The following VEGFD variants were observed in gnomAD, a reference collection of about 807,000 sequenced individuals.
VEGFD encodes the protein vascular endothelial growth factor D.
Under a neutral mutation model 28.0 loss-of-function variants are expected in VEGFD, and 26 were observed. That is an observed-to-expected ratio of 0.93 (90% confidence interval 0.68 to 1.29). VEGFD has a LOEUF of 1.29. Among genes scored for constraint, VEGFD ranks in the 50% most tolerant of loss-of-function variants. The pLI, the probability that VEGFD is intolerant of heterozygous loss-of-function variation, is 0.00. For missense variants in VEGFD, 294 were observed against 273.4 expected (o/e 1.08, Z -0.53); for synonymous variants, 93 against 95.5 (o/e 0.97, Z 0.15).
At chrX:15,346,934 A>T (rs764700779) in intron 6 of VEGFD, among the ~76,000 whole-genome samples, 4 of 108,802 alleles carry the variant, frequency 3.7e-5, no homozygotes, top group Non-Finnish European at 1.9e-5. Flanking sequence ...CGTCTAAAAA[A>T]AAAAAGCTCT....
chrX:15,372,609 A>G (rs1160434364), intron 1 of VEGFD, among the ~76,000 whole-genome samples: 3 of 110,958 alleles, frequency 2.7e-5, no homozygotes, highest in African/African-American at 9.8e-5. Flanking sequence ...AAAACTTCCC[A>G]GGTGTTAGCC....
intron 6 of VEGFD, among the ~76,000 whole-genome samples, chrX:15,346,740 T>C (rs956077366): frequency 6.3e-5 from 7 of 111,526 alleles, no homozygotes; most frequent in African/African-American, 2.0e-4. Flanking sequence ...AAGACTATCC[T>C]GGCCAACATG....
intron 4 of VEGFD, 33 bp downstream of exon 4, chrX:15,355,117 A>G: frequency 8.8e-7 from 1 of 1,133,875 alleles, no homozygotes; most frequent in Admixed American, 2.9e-5. Flanking sequence ...AATAAGCATA[A>G]TCCAGTATAA....
intron 1 of VEGFD, among the ~76,000 whole-genome samples, chrX:15,380,962 T>G (rs1272387382): frequency 8.9e-6 from 1 of 112,473 alleles, no homozygotes; most frequent in Non-Finnish European, 1.9e-5. Context: ...TAGGCCGTAA[T>G]CTGATTATAT....
chrX:15,381,834 A>G (rs1267685906), intron 1 of VEGFD, among the ~76,000 whole-genome samples: 1 of 113,082 alleles, frequency 8.8e-6, no homozygotes, highest in African/African-American at 3.2e-5. Context: ...TAAGTTCAGT[A>G]TATGTAGCTT....
At position 15,364,773 on chromosome X, in the gene VEGFD, G is replaced by A. The variant is rs143460075; in HGVS notation, c.91-1454C>T. 6.9e-4 allele frequency among the ~76,000 whole-genome samples: 77 copies of A among 112,223 alleles called. 5 individuals carry two copies. The East Asian group carries it at 0.02, about 29-fold the overall frequency. On this transcript the variant is annotated intron_variant, in intron 1 of 6. Coordinates refer to ENST00000297904, the MANE Select transcript of VEGFD (RefSeq NM_004469.5). ...TGTCAGCTGCCTGCTGCAGGGCGAG[G>A]AACAGTGAAGGAAAACAAAGATGAG...
Position 15,355,191 on chromosome X carries a change from G to A in VEGFD, c.600C>T (p.Tyr200=). Residue 200 remains tyrosine (Y), a synonymous_variant, in exon 4 of 7, where the codon TAC becomes TAT. Transcript: ENST00000297904. The part of the protein sequence containing the change: ...KCLPTAPRHP[Y]SIIRRSIQIP... ...TCTGGATGGATCTTCTGATAATTGAGTATGGATGGCGGGGGGCTGTTGGCA... is the reference window on the plus strand; with the variant it reads ...TCTGGATGGATCTTCTGATAATTGAATATGGATGGCGGGGGGCTGTTGGCA... The A allele has an allele frequency of 8.3e-7, 1 of 1,204,762 alleles. No individual in the cohort carries two copies. Among genetic ancestry groups the A allele is most frequent in the East Asian group, 3.0e-5 (1 of 33,546 alleles).
At chrX:15,360,906 T>A (rs1314730869) in intron 2 of VEGFD, among the ~76,000 whole-genome samples, 2 of 112,252 alleles carry the variant, frequency 1.8e-5, no homozygotes, top group Non-Finnish European at 3.8e-5. Flanking sequence ...TTAATCAAAA[T>A]CATATGCAAT....
At chrX:15,382,171 T>G (rs1326595613) in intron 1 of VEGFD, among the ~76,000 whole-genome samples, 1 of 110,137 alleles carries the variant, frequency 9.1e-6, no homozygotes, top group Non-Finnish European at 1.9e-5. Context: ...ATACAAAAAA[T>G]TAGCCCGGCA....
intron 1 of VEGFD, among the ~76,000 whole-genome samples, chrX:15,377,205 T>C (rs1196162274): frequency 2.7e-5 from 3 of 112,274 alleles, no homozygotes; most frequent in Non-Finnish European, 1.9e-5. Context: ...GCCTGGCACA[T>C]GGTAGACATT....
At position 15,350,798 on chromosome X, in the gene VEGFD, T is replaced by G. The variant is rs775870523; in HGVS notation, c.742+2270A>C. 1.7e-3 allele frequency among the ~76,000 whole-genome samples: 179 copies of G among 102,585 alleles called. 1 individual carries two copies. The highest frequency in any genetic ancestry group is 6.1e-3 in the African/African-American group (172 of 28,169). The allele number at this position is 102,585 out of a possible 115,157, so 89.1% of individuals were successfully genotyped here. A position where few individuals can be genotyped will look rare whatever the true frequency, so the allele number is the denominator to read the frequency against. On this transcript the variant is annotated intron_variant, in intron 5 of 6. Transcript: ENST00000297904. Reference sequence around the variant, plus strand: ...CTTTCTTTCTCTCTCTTTCTTTTCTTTTCTTTCTTTCTTTCTCTCTCTCTC... The same window carrying G: ...CTTTCTTTCTCTCTCTTTCTTTTCTGTTCTTTCTTTCTTTCTCTCTCTCTC...
intron 1 of VEGFD, among the ~76,000 whole-genome samples, chrX:15,376,651 T>A (rs1351262593): frequency 8.9e-6 from 1 of 111,732 alleles, no homozygotes; most frequent in South Asian, 3.8e-4. Context: ...GTGTCCCATA[T>A]CAAAATCCAC....
chrX:15,356,080 C>T (rs140409983), intron 3 of VEGFD, among the ~76,000 whole-genome samples: 7 of 112,389 alleles, frequency 6.2e-5, no homozygotes, highest in East Asian at 2.8e-4. Context: ...ATTCTTTCTA[C>T]GCTTTCCGTA....
Position 15,354,873 on chromosome X carries a change from C to T in VEGFD, c.641+277G>A, listed in dbSNP as rs749534062. ...ATTTGAGGTTACAGCGGTTTTACACCTGCAGTAGACTATGCATATTAAGAA... is the reference window on the plus strand; with the variant it reads ...ATTTGAGGTTACAGCGGTTTTACACTTGCAGTAGACTATGCATATTAAGAA... On this transcript the variant is annotated intron_variant, in intron 4 of 6. Transcript: ENST00000297904. 3.6e-5 allele frequency among the ~76,000 whole-genome samples: 4 copies of T among 111,427 alleles called. No individual in the cohort carries two copies. In the East Asian group the frequency reaches 1.1e-3, roughly 31 times the overall value.
At chrX:15,358,521 G>T (rs1344072474) in intron 2 of VEGFD, among the ~76,000 whole-genome samples, 1 of 111,905 alleles carries the variant, frequency 8.9e-6, no homozygotes. Context: ...AGCGTGTAAA[G>T]AAATAACATG....
chrX:15,382,728 T>C (rs867079093), intron 1 of VEGFD, among the ~76,000 whole-genome samples: 33 of 110,739 alleles, frequency 3.0e-4, no homozygotes, highest in Middle Eastern at 4.2e-3. Context: ...CCCATGTAAA[T>C]TTGGAATTTG....
rs1343785399 is a variant in VEGFD at position 15,363,339 on chromosome X, C to G, written c.91-20G>C. The G allele has an allele frequency of 8.6e-7, 1 of 1,163,624 alleles. No individual in the cohort carries two copies. Among genetic ancestry groups the G allele is most frequent in the Admixed American group, 2.2e-5 (1 of 44,537 alleles). ...TGATCGCTTAAAAAAACAAAAATAC[C>G]AGTTTAAAAACAAGTTACTAAATTT... On this transcript the variant is annotated intron_variant, in intron 1 of 6. Transcript: ENST00000297904.
chrX:15,353,598 G>A (rs755820762), intron 4 of VEGFD, among the ~76,000 whole-genome samples: 1 of 111,373 alleles, frequency 9.0e-6, no homozygotes, highest in South Asian at 3.8e-4. Context: ...AAATTAGCCG[G>A]GCGTGGCGGC....
chrX:15,364,721 G>C (rs1019003850), intron 1 of VEGFD, among the ~76,000 whole-genome samples: 2 of 111,952 alleles, frequency 1.8e-5, no homozygotes, highest in Non-Finnish European at 3.8e-5. Context: ...CCAGTGCTGA[G>C]AGAGGAGGGT....
Sources: gnomAD v4.1 joint callset for allele counts (sites outside exome capture counted in the v4.1 genomes callset) on GRCh38, gnomAD v4.1.1 for gene constraint, MANE v1.5 for transcripts, NCBI Gene and HGNC (gene_info 2026-07-23, HGNC 2026-07-21) for gene names.